The following CCSER2 variants were observed in gnomAD, a reference collection of about 807,000 sequenced individuals.
CCSER2 encodes serine-rich coiled-coil domain-containing protein 2.
In CCSER2, 46 loss-of-function variants were observed where a neutral mutation model predicts 92.3. The ratio of observed to expected loss-of-function variants is 0.50; its 90% CI spans 0.39 to 0.64. CCSER2 has a LOEUF of 0.64. Ranked by LOEUF, CCSER2 falls within the 30% of genes least tolerant of loss-of-function variation. CCSER2 has a pLI of 0.00. For synonymous variants in CCSER2, 433 were observed against 431.4 expected (o/e 1.00, Z -0.04); for missense variants, 1,244 against 1,238.9 (o/e 1.00, Z -0.06).
In CCSER2 at chr10:84,380,134, C is replaced by G. The variant is rs190581142; in HGVS notation, c.1614+6319C>G. 2.0e-5 allele frequency among the ~76,000 whole-genome samples: 3 copies of G among 152,330 alleles called. No individual in the cohort carries two copies. The East Asian group carries it at 5.8e-4, about 29-fold the overall frequency. The stretch of plus-strand genomic sequence containing the variant: ...CAGTAGAGGATGAGAATTTCTGTCA[C>G]TTATCATCTGAACCCCATATGTCGT... On this transcript the variant is annotated intron_variant, in intron 3 of 9. Coordinates refer to ENST00000372088, the MANE Select transcript of CCSER2 (RefSeq NM_001284240.2).
chr10:84,351,304 G>A (rs1042778046), intron 1 of CCSER2, among the ~76,000 whole-genome samples: 2 of 151,772 alleles, frequency 1.3e-5, no homozygotes, highest in Non-Finnish European at 2.9e-5. Context: ...GCAGTGGTGT[G>A]ATCTCAGATC....
At chr10:84,392,451 T>C (rs536107581) in intron 3 of CCSER2, among the ~76,000 whole-genome samples, 1 of 151,436 alleles carries the variant, frequency 6.6e-6, no homozygotes, top group East Asian at 1.9e-4. Flanking sequence ...AACAATTCTA[T>C]AGCGCACAAT....
intron 8 of CCSER2, among the ~76,000 whole-genome samples, chr10:84,471,148 C>T (rs1000482763): frequency 1.3e-5 from 2 of 152,022 alleles, no homozygotes; most frequent in African/African-American, 4.8e-5. Flanking sequence ...AAATATTAAT[C>T]TCACTGAAAA....
At chr10:84,413,644 A>G (rs988954492) in intron 3 of CCSER2, among the ~76,000 whole-genome samples, 24 of 152,336 alleles carry the variant, frequency 1.6e-4, no homozygotes, top group East Asian at 5.8e-4. Context: ...AGAGTCCTGT[A>G]TATATCTATC....
intron 1 of CCSER2, among the ~76,000 whole-genome samples, chr10:84,339,659 G>T (rs973381463): frequency 2.1e-4 from 32 of 150,820 alleles, no homozygotes; most frequent in Admixed American, 2.0e-3. Flanking sequence ...ATTTTTAGTA[G>T]AGACGAGGTT....
intron 1 of CCSER2, among the ~76,000 whole-genome samples, chr10:84,329,978 C>T (rs1437648252): frequency 6.6e-6 from 1 of 152,204 alleles, no homozygotes; most frequent in African/African-American, 2.4e-5. Flanking sequence ...TTCATACTGT[C>T]GTACTTCAGC....
At position 84,515,329 on chromosome 10, in the gene CCSER2, T is replaced by G. The variant is rs1028567401; in HGVS notation, c.*1062T>G. The G allele has an allele frequency of 2.0e-5, 3 of 152,624 alleles. No individual in the cohort carries two copies. Among genetic ancestry groups the G allele is most frequent in the African/African-American group, 4.8e-5 (2 of 41,438 alleles). The allele number at this position is 152,624 out of a possible 1,614,324, so 9.5% of individuals were successfully genotyped here. A position where few individuals can be genotyped will look rare whatever the true frequency, so the allele number is the denominator to read the frequency against. The stretch of plus-strand genomic sequence containing the variant: ...CTATAGCAAAACAAGTTAAAATATT[T>G]TGAGAAAAATAACAAATTTAAATAA... On this transcript the variant is annotated 3_prime_UTR_variant, in exon 10 of 10. Transcript: ENST00000372088.
chr10:84,333,214 T>A (rs1408767828), intron 1 of CCSER2, among the ~76,000 whole-genome samples: 1 of 152,122 alleles, frequency 6.6e-6, no homozygotes, highest in Non-Finnish European at 1.5e-5. Context: ...CATTCTAAAA[T>A]ATATGAAAGG....
chr10:84,439,156 G>A (rs1283495393), intron 6 of CCSER2, among the ~76,000 whole-genome samples: 1 of 150,368 alleles, frequency 6.7e-6, no homozygotes, highest in East Asian at 2.0e-4. Flanking sequence ...TTTTTGTTTG[G>A]GATCTTCAAG....
chr10:84,399,419 C>T (rs1021794668), intron 3 of CCSER2, among the ~76,000 whole-genome samples: 14 of 152,098 alleles, frequency 9.2e-5, no homozygotes, highest in African/African-American at 2.7e-4. Flanking sequence ...CCCACACTTC[C>T]AGAAACAGTT....
At chr10:84,342,541 C>A (rs1027301594) in intron 1 of CCSER2, among the ~76,000 whole-genome samples, 1 of 152,108 alleles carries the variant, frequency 6.6e-6, no homozygotes, top group African/African-American at 2.4e-5. Flanking sequence ...ATGTTACATG[C>A]CTTTCCTTCT....
intron 3 of CCSER2, among the ~76,000 whole-genome samples, chr10:84,375,675 T>C (rs190687960): frequency 4.9e-4 from 75 of 151,776 alleles, no homozygotes; most frequent in African/African-American, 1.7e-3. Flanking sequence ...ATATTTTCTC[T>C]TCTTTTACTA....
At chr10:84,362,063 G>A (rs971855378) in intron 1 of CCSER2, among the ~76,000 whole-genome samples, 3 of 152,148 alleles carry the variant, frequency 2.0e-5, no homozygotes, top group Non-Finnish European at 4.4e-5. Context: ...GTGTATTCTG[G>A]TGAATCAAAC....
chr10:84,363,685 C>G (rs1181687216), intron 1 of CCSER2, among the ~76,000 whole-genome samples: 1 of 152,196 alleles, frequency 6.6e-6, no homozygotes, highest in Non-Finnish European at 1.5e-5. Context: ...TACTGTTCTT[C>G]TGCTAAATTT....
intron 1 of CCSER2, among the ~76,000 whole-genome samples, chr10:84,359,689 T>C (rs978000674): frequency 1.3e-5 from 2 of 151,974 alleles, no homozygotes; most frequent in African/African-American, 4.8e-5. Context: ...GGTATATAAG[T>C]GCTCCTGAGA....
chr10:84,371,910 G>T lies in CCSER2; in HGVS notation c.858G>T (p.Leu286Phe). Residue 286 changes from leucine to phenylalanine, a missense_variant, in exon 2 of 10, where the codon TTG becomes TTT. Coordinates refer to ENST00000372088, the MANE Select transcript of CCSER2 (RefSeq NM_001284240.2). ...QPEVLNGNEH[L>F]GYGFNRPYAA... ...AAGTACTCAATGGGAATGAACATTT[G>T]GGGTATGGATTTAATAGGCCTTATG... is the stretch of plus-strand genomic sequence containing the variant. 1 of 1,613,850 alleles carries T rather than the reference G, an allele frequency of 6.2e-7. No homozygotes were observed. The highest frequency in any genetic ancestry group is 8.5e-7 in the Non-Finnish European group (1 of 1,179,846).
intron 3 of CCSER2, among the ~76,000 whole-genome samples, chr10:84,406,354 C>T (rs148837061): frequency 5.1e-4 from 78 of 152,232 alleles, no homozygotes; most frequent in African/African-American, 1.8e-3. Flanking sequence ...GGTGTTTACA[C>T]ATCTATTTGT....
Position 84,391,155 on chromosome 10 carries a change from C to T in CCSER2, c.1614+17340C>T, listed in dbSNP as rs1159571270. The T allele has an allele frequency of 3.8e-6, 3 of 794,632 alleles. No homozygotes were observed. The African/African-American group carries it at 5.1e-5, about 13-fold the overall frequency. 49.2% of individuals were successfully genotyped at this position (794,632 alleles called of 1,614,324 possible). A position where few individuals can be genotyped will look rare whatever the true frequency, so the allele number is the denominator to read the frequency against. ...AGGATCTCTTCCCTTTACCTGAGTG[C>T]CTATCTTCAGTTGCCACAGCACTGC... On this transcript the variant is annotated intron_variant, in intron 3 of 9. Transcript: ENST00000372088.
intron 1 of CCSER2, among the ~76,000 whole-genome samples, chr10:84,348,987 G>A (rs1387249936): frequency 6.6e-6 from 1 of 151,728 alleles, no homozygotes; most frequent in Admixed American, 6.6e-5. Flanking sequence ...AAAAAAAATT[G>A]TACAGTATGG....
Sources: allele counts gnomAD v4.1 joint callset (sites outside exome capture counted in the v4.1 genomes callset), GRCh38; gene constraint gnomAD v4.1.1; transcripts MANE v1.5; gene names NCBI Gene and HGNC (gene_info 2026-07-23, HGNC 2026-07-21).